Variants in TENM2 observed in about 807,000 individuals in gnomAD.
TENM2 encodes the protein teneurin-2.
In TENM2, 52 loss-of-function variants were observed where a neutral mutation model predicts 245.2. The observed-to-expected ratio is 0.21, with a 90% CI of 0.17 to 0.27. TENM2 has a LOEUF of 0.27. Ranked by LOEUF, TENM2 falls within the 10% of genes least tolerant of loss-of-function variation. The probability of loss-of-function intolerance (pLI) is 1.00; values close to 1 mark genes in which losing one functional copy is unlikely to be tolerated. For missense variants in TENM2, 3,046 were observed against 3,666.8 expected (o/e 0.83, Z 4.37); for synonymous variants, 1,363 against 1,438.9 (o/e 0.95, Z 1.19).
At position 167,973,889 on chromosome 5, in the gene TENM2, G is replaced by GT. The variant is rs202216396; in HGVS notation, c.948-19053dup. Among the ~76,000 whole-genome samples, 1,484 of 151,914 alleles carry GT rather than the reference G, an allele frequency of 9.8e-3. 25 individuals are homozygous for GT. The highest frequency in any genetic ancestry group is 0.025 in the African/African-American group (1,047 of 41,400). On this transcript the variant is annotated intron_variant, in intron 4 of 28. Coordinates refer to ENST00000518659, the Ensembl canonical transcript of TENM2. ...CCAAAAGGGATGTACACAAAGGCAT[G>GT]TTACGGTTAGATTTGCCATGAAGAG...
chr5:168,142,642 C>A (rs1755657916), intron 12 of TENM2, among the ~76,000 whole-genome samples: 1 of 152,202 alleles, frequency 6.6e-6, no homozygotes, highest in Admixed American at 6.5e-5. Flanking sequence ...AGCTTCAGAA[C>A]CTAGAGGCAC....
intron 2 of TENM2, among the ~76,000 whole-genome samples, chr5:167,578,694 A>G (rs1446782208): frequency 6.6e-6 from 1 of 152,156 alleles, no homozygotes; most frequent in East Asian, 1.9e-4. Flanking sequence ...AAACATATAT[A>G]CTTTATTTAT....
intron 2 of TENM2, among the ~76,000 whole-genome samples, chr5:167,387,501 A>G (rs1340556390): frequency 6.6e-6 from 1 of 151,888 alleles, no homozygotes; most frequent in Non-Finnish European, 1.5e-5. Context: ...TGATTTGGAT[A>G]CCCTTTATTT....
the TENM2 span, among the ~76,000 whole-genome samples, chr5:167,098,874 G>C: frequency 5.9e-5 from 9 of 152,248 alleles, no homozygotes; most frequent in South Asian, 1.9e-3. Flanking sequence ...TAGTCTCTTT[G>C]CGTTAGCATT....
intron 2 of TENM2, among the ~76,000 whole-genome samples, chr5:167,562,166 C>T (rs754514545): frequency 3.9e-5 from 6 of 152,120 alleles, no homozygotes; most frequent in Admixed American, 1.3e-4. Context: ...CGTGAGGCTG[C>T]GATGGCATCC....
chr5:167,708,939 C>T (rs987108680), intron 2 of TENM2, among the ~76,000 whole-genome samples: 3 of 152,152 alleles, frequency 2.0e-5, no homozygotes, highest in Non-Finnish European at 4.4e-5. Flanking sequence ...TAAGAAGTCT[C>T]CCCAAAGCAT....
At chr5:167,856,542 A>G (rs1308444718) in intron 2 of TENM2, among the ~76,000 whole-genome samples, 2 of 152,232 alleles carry the variant, frequency 1.3e-5, no homozygotes, top group Admixed American at 6.5e-5. Context: ...GCATGAATCT[A>G]TATGGATCTC....
Position 168,218,785 on chromosome 5 carries a change from A to G in TENM2, c.4894A>G (p.Asn1632Asp). ...TGATGTCACTGAATTGATTGACAAT[A>G]ATGGGAATTCCCTGAAGATCCGTCG... Residue 1632 changes from asparagine (N) to aspartate (D), a missense_variant, in exon 23 of 29, where the codon AAT (asparagine) becomes GAT (aspartate). This residue lies in a region of TENM2 where 2,704 missense variants were observed against 3,331.9 expected (regional missense o/e 0.81). Transcript: ENST00000518659. This position sits in a 1 kb window ranked among gnomAD's most constrained non-coding sequence, Gnocchi z 5.2. 6.2e-7 allele frequency: 1 copy of G among 1,614,032 alleles called. No individual in the cohort carries two copies. Among genetic ancestry groups the G allele is most frequent in the East Asian group, 2.2e-5 (1 of 44,880 alleles).
the TENM2 span, among the ~76,000 whole-genome samples, chr5:167,149,821 A>T: frequency 6.6e-6 from 1 of 152,026 alleles, no homozygotes; most frequent in African/African-American, 2.4e-5. Flanking sequence ...TCCTAATTGC[A>T]TTGACTATGA....
the TENM2 span, among the ~76,000 whole-genome samples, chr5:167,255,876 T>G: frequency 6.6e-6 from 1 of 152,126 alleles, no homozygotes; most frequent in Admixed American, 6.6e-5. Context: ...TCATCAGATA[T>G]GTGGTGATGC....
intron 2 of TENM2, among the ~76,000 whole-genome samples, chr5:167,558,527 C>T (rs1303861069): frequency 6.6e-6 from 1 of 152,130 alleles, no homozygotes; most frequent in Non-Finnish European, 1.5e-5. Flanking sequence ...CCTGTCAGAT[C>T]AGCAGCAGCA....
At chr5:168,226,992 A>G (rs937413649) in intron 24 of TENM2, among the ~76,000 whole-genome samples, 1 of 152,118 alleles carries the variant, frequency 6.6e-6, no homozygotes, top group South Asian at 2.1e-4. Context: ...CAATGACTCT[A>G]TTTCTGCTCT....
chr5:167,686,843 A>G (rs1041054666), intron 2 of TENM2, among the ~76,000 whole-genome samples: 1 of 152,200 alleles, frequency 6.6e-6, no homozygotes, highest in Non-Finnish European at 1.5e-5. Context: ...CATTTCTATT[A>G]GGTTGATGCA....
intron 17 of TENM2, among the ~76,000 whole-genome samples, chr5:168,201,347 T>TATATAC (rs1264545374): frequency 5.9e-5 from 9 of 151,964 alleles, no homozygotes; most frequent in African/African-American, 1.9e-4. Flanking sequence ...TATGCACATA[T>TATATAC]ATATACATAT....
At chr5:167,323,125 G>C (rs1398481373) in intron 1 of TENM2, among the ~76,000 whole-genome samples, 1 of 152,188 alleles carries the variant, frequency 6.6e-6, no homozygotes, top group East Asian at 1.9e-4. Flanking sequence ...TTCAAATTCT[G>C]AAAGGAGGAT....
At chr5:166,988,779 C>T in the TENM2 span, among the ~76,000 whole-genome samples, 423 of 152,312 alleles carry the variant, frequency 2.8e-3, 2 homozygotes, top group African/African-American at 9.8e-3. Flanking sequence ...ATCACCCACA[C>T]GGCTGCCCTA....
the TENM2 span, among the ~76,000 whole-genome samples, chr5:167,103,845 GAA>G: frequency 2.1e-5 from 3 of 143,806 alleles, no homozygotes; most frequent in African/African-American, 7.7e-5. Flanking sequence ...TAGCAATACT[GAA>G]AAAAAAAAAT....
At chr5:168,229,921 G>A (rs1764683864) in intron 25 of TENM2, 1 of 152,240 alleles carries the variant, frequency 6.6e-6, no homozygotes, top group Non-Finnish European at 1.5e-5. Flanking sequence ...TTTCAGGGCT[G>A]TGTAATTGAT....
rs146651093 is a variant in TENM2 at position 168,056,066 on chromosome 5, T to C, written c.1310-5994T>C. Among the ~76,000 whole-genome samples the C allele has an allele frequency of 1.9e-4, 29 of 152,340 alleles. No individual in the cohort carries two copies. In the Middle Eastern group the frequency reaches 0.01, roughly 54 times the overall value. On this transcript the variant is annotated intron_variant, in intron 6 of 28. Coordinates refer to ENST00000518659, the Ensembl canonical transcript of TENM2. ...GATGTCTTGTGAGGGACTCACCATATTGGTGGTCCTGGAACAGCTGGCATG... is the reference window on the plus strand; with the variant it reads ...GATGTCTTGTGAGGGACTCACCATACTGGTGGTCCTGGAACAGCTGGCATG...
Sources: gnomAD v4.1 joint callset for allele counts (sites outside exome capture counted in the v4.1 genomes callset) on GRCh38, gnomAD v4.1.1 for gene constraint, gnomAD v4.1.1 regional missense constraint, Gnocchi (gnomAD v3.1) non-coding constraint, MANE v1.5 for transcripts, NCBI Gene and HGNC (gene_info 2026-07-23, HGNC 2026-07-21) for gene names.